The following PRKCA variants were observed in gnomAD, a reference collection of about 807,000 sequenced individuals.
PRKCA encodes protein kinase C alpha, also known as protein kinase C alpha type.
PRKCA carries 27 observed loss-of-function variants against 87.0 expected under a neutral mutation model. The ratio of observed to expected loss-of-function variants is 0.31; its 90% CI spans 0.23 to 0.43. The LOEUF is 0.43. Among genes scored for constraint, PRKCA ranks in the 20% least tolerant of loss-of-function variants. PRKCA has a pLI of 1.00. For missense variants in PRKCA, 518 were observed against 852.3 expected, an observed-to-expected ratio of 0.61 and a Z score of 4.88; for synonymous variants, 329 against 311.1, an observed-to-expected ratio of 1.06 and a Z score of -0.61.
chr17:66,700,727 ATAAATT>A, intron 8 of PRKCA, among the ~76,000 whole-genome samples: 1 of 152,358 alleles, frequency 6.6e-6, no homozygotes, highest in East Asian at 1.9e-4. Context: ...ATACTTAAGA[ATAAATT>A]TAACCGAGGA....
At chr17:66,602,790 C>G (rs921223172) in intron 3 of PRKCA, among the ~76,000 whole-genome samples, 1 of 152,076 alleles carries the variant, frequency 6.6e-6, no homozygotes, top group Non-Finnish European at 1.5e-5. Context: ...TAAAGGGGTC[C>G]CTGAGAACCT....
In PRKCA at chr17:66,799,610, G is replaced by A. The variant is rs1338552572; in HGVS notation, c.1855-4263G>A. 1.1e-4 allele frequency among the ~76,000 whole-genome samples: 6 copies of A among 55,588 alleles called. No homozygotes were observed. In the East Asian group the frequency reaches 1.9e-3, roughly 17 times the overall value. The allele number at this position is 55,588 out of a possible 152,430, so 36.5% of individuals were successfully genotyped here. A position where few individuals can be genotyped will look rare whatever the true frequency, so the allele number is the denominator to read the frequency against. ...GGTGGTGGTGGTGATGGTGGTGGTGGTGGTGGTGGTGGTGATGGTAATGGT... is the reference window on the plus strand; with the variant it reads ...GGTGGTGGTGGTGATGGTGGTGGTGATGGTGGTGGTGGTGATGGTAATGGT... On this transcript the variant is annotated intron_variant, in intron 16 of 16. Transcript: ENST00000413366.
At chr17:66,533,991 TC>T (rs138007139) in intron 3 of PRKCA, among the ~76,000 whole-genome samples, 5,811 of 152,114 alleles carry the variant, frequency 0.038, 162 homozygotes, top group South Asian at 0.082. Context: ...AAGTGGAGCT[TC>T]CAACTGTTAG....
intron 3 of PRKCA, among the ~76,000 whole-genome samples, chr17:66,550,999 A>G (rs1423680904): frequency 6.6e-6 from 1 of 152,202 alleles, no homozygotes; most frequent in Non-Finnish European, 1.5e-5. Context: ...GTGTTGGTAT[A>G]TAGTAAATTA....
intron 2 of PRKCA, among the ~76,000 whole-genome samples, chr17:66,421,658 A>G (rs2143793680): frequency 6.6e-6 from 1 of 150,666 alleles, no homozygotes; most frequent in East Asian, 2.0e-4. Context: ...TCAGCCTCCC[A>G]GGTAGCTGGG....
intron 16 of PRKCA, among the ~76,000 whole-genome samples, chr17:66,798,430 G>A (rs970893641): frequency 7.6e-6 from 1 of 131,430 alleles, no homozygotes; most frequent in South Asian, 2.4e-4. Flanking sequence ...TGGTGGTGGT[G>A]GTGACGGTGG....
chr17:66,501,947 G>T (rs1916751875), intron 3 of PRKCA, among the ~76,000 whole-genome samples: 1 of 152,226 alleles, frequency 6.6e-6, no homozygotes, highest in South Asian at 2.1e-4. Context: ...CCATGATGGG[G>T]TGGGGCAGAT....
chr17:66,541,835 A>G (rs1209823067), intron 3 of PRKCA, among the ~76,000 whole-genome samples: 1 of 152,232 alleles, frequency 6.6e-6, no homozygotes, highest in African/African-American at 2.4e-5. Context: ...TGAGTCTCTG[A>G]GGATTTTCTA....
chr17:66,411,354 G>A (rs999985824), intron 2 of PRKCA, among the ~76,000 whole-genome samples: 3 of 151,740 alleles, frequency 2.0e-5, no homozygotes, highest in South Asian at 4.2e-4. Context: ...GAGCCACTGC[G>A]CGCAGCCATG....
intron 11 of PRKCA, among the ~76,000 whole-genome samples, chr17:66,740,653 A>G (rs1456169689): frequency 6.6e-6 from 1 of 152,096 alleles, no homozygotes; most frequent in Non-Finnish European, 1.5e-5. Context: ...CTTCTGTCTT[A>G]TGTTGTAGTT....
Position 66,688,452 on chromosome 17 carries a change from AG to A in PRKCA, c.821+18del. ...CCAGTGGATGGTATGGAAGCCGCTT[AG>A]GTTGAGTATGTCTCAAAGCATCAGA... On this transcript the variant is annotated intron_variant, in intron 7 of 16. Coordinates refer to ENST00000413366, the MANE Select transcript of PRKCA (RefSeq NM_002737.3). 6.2e-7 allele frequency: 1 copy of A among 1,614,056 alleles called. No homozygotes were observed. Among genetic ancestry groups the A allele is most frequent in the South Asian group, 1.1e-5 (1 of 91,056 alleles).
chr17:66,439,460 A>G (rs567094584), intron 2 of PRKCA, among the ~76,000 whole-genome samples: 110 of 152,322 alleles, frequency 7.2e-4, no homozygotes, highest in African/African-American at 2.6e-3. Context: ...GATTACAGGC[A>G]TGAGCCATCG....
In PRKCA at chr17:66,781,887, A is replaced by ATAGT. The variant is rs767300220; in HGVS notation, c.1606-4980_1606-4979insTAGT. Among the ~76,000 whole-genome samples, 36 of 125,616 alleles carry ATAGT rather than the reference A, an allele frequency of 2.9e-4. No individual in the cohort carries two copies. The South Asian group carries it at 7.0e-3, about 25-fold the overall frequency. The allele number at this position is 125,616 out of a possible 152,430, so 82.4% of individuals were successfully genotyped here. On this transcript the variant is annotated intron_variant, in intron 14 of 16. Coordinates refer to ENST00000413366, the MANE Select transcript of PRKCA (RefSeq NM_002737.3). ...GAGAGAGATATATATATATATATAT[A>ATAGT]GTGTGTGTGTGTGTGTGTGTGTGTG...
At chr17:66,616,623 C>A (rs922435200) in intron 3 of PRKCA, among the ~76,000 whole-genome samples, 1 of 152,212 alleles carries the variant, frequency 6.6e-6, no homozygotes, top group Non-Finnish European at 1.5e-5. Context: ...ACAGGGTTAT[C>A]TGCCCCCAGC....
intron 5 of PRKCA, among the ~76,000 whole-genome samples, chr17:66,649,771 A>G (rs1971543785): frequency 6.6e-6 from 1 of 152,222 alleles, no homozygotes; most frequent in Non-Finnish European, 1.5e-5. Flanking sequence ...AAAGAGTAAC[A>G]CAAGAAGAGA....
intron 13 of PRKCA, among the ~76,000 whole-genome samples, chr17:66,757,792 T>G (rs560165270): frequency 6.6e-6 from 1 of 152,312 alleles, no homozygotes; most frequent in East Asian, 1.9e-4. Context: ...TGGCGCCATC[T>G]CGGCTCACTG....
chr17:66,777,109 G>C (rs961507826), intron 14 of PRKCA: 2 of 508,508 alleles, frequency 3.9e-6, no homozygotes, highest in African/African-American at 2.1e-5. Context: ...TACAGAGAGA[G>C]AGTTAACCAC....
intron 8 of PRKCA, among the ~76,000 whole-genome samples, chr17:66,693,759 G>T (rs1209188211): frequency 1.3e-5 from 2 of 152,186 alleles, no homozygotes; most frequent in East Asian, 3.9e-4. Flanking sequence ...GCGGTGTCTG[G>T]TATAACATTC....
intron 5 of PRKCA, among the ~76,000 whole-genome samples, chr17:66,667,590 G>A (rs746080660): frequency 6.6e-6 from 1 of 152,114 alleles, no homozygotes; most frequent in Non-Finnish European, 1.5e-5. Flanking sequence ...CAACACATGG[G>A]GATTAGGGGA....
Sources: gnomAD v4.1 joint callset for allele counts (sites outside exome capture counted in the v4.1 genomes callset) on GRCh38, gnomAD v4.1.1 for gene constraint, MANE v1.5 for transcripts, NCBI Gene and HGNC (gene_info 2026-07-23, HGNC 2026-07-21) for gene names.